BRAF: variants seen among roughly 807,000 people sequenced by gnomAD.
BRAF encodes the protein serine/threonine-protein kinase B-raf.
Under a neutral mutation model 104.6 loss-of-function variants are expected in BRAF, and 16 were observed. The observed-to-expected ratio is 0.15, with a 90% confidence interval of 0.10 to 0.23. The LOEUF (loss-of-function observed/expected upper bound fraction) is 0.23, where lower values mean the gene tolerates loss of function less well. BRAF is among the 10% of genes least tolerant of loss of function. The pLI is 1.00. For missense variants in BRAF, 541 were observed against 937.3 expected (o/e 0.58, Z 5.52); for synonymous variants, 310 against 341.6 (o/e 0.91, Z 1.02).
chr7:140,808,982 C>T lies in BRAF; in HGVS notation c.518G>A (p.Cys173Tyr), dbSNP rs1411975481. 5.6e-6 allele frequency: 9 copies of T among 1,612,098 alleles called. No homozygotes were observed. The highest frequency in any genetic ancestry group is 7.6e-6 in the Non-Finnish European group (9 of 1,178,748). Residue 173 changes from cysteine to tyrosine, a missense_variant, in exon 4 of 20, where the codon TGT becomes TAT. Physicochemically the swap from Cys to Tyr is radical, Grantham distance 194. Transcript: ENST00000644969. ...NKQRTVVPAR[C>Y]GVTVRDSLKK... ...TAGACTGTCTCGGACTGTAACTCCA[C>T]ACCTTGCAGGTACCTATGGTATCAT...
At chr7:140,790,030 G>A (rs1052558204) in intron 8 of BRAF, among the ~76,000 whole-genome samples, 8 of 152,004 alleles carry the variant, frequency 5.3e-5, no homozygotes, top group African/African-American at 1.9e-4. Context: ...GCACCCAGCC[G>A]ATAAGATTTT....
chr7:140,801,381 G>T (rs772046601), intron 6 of BRAF, 31 bp downstream of exon 6: 23 of 1,610,376 alleles, frequency 1.4e-5, no homozygotes, highest in Non-Finnish European at 2.0e-5. Context: ...TAAAATGGTA[G>T]GTAGAAAAGA....
At chr7:140,897,807 A>T (rs1228539901) in intron 1 of BRAF, among the ~76,000 whole-genome samples, 15 of 152,024 alleles carry the variant, frequency 9.9e-5, no homozygotes, top group Non-Finnish European at 1.0e-4. Flanking sequence ...GCCAGGAAAG[A>T]TTTCTTAAAA....
Position 140,785,845 on chromosome 7 carries a change from G to T in BRAF, c.1178-37C>A, listed in dbSNP as rs1327602016. On this transcript the variant is annotated intron_variant, in intron 9 of 19. Transcript: ENST00000644969. Reference sequence around the variant, plus strand: ...GAAAGAGAGGGGCAGGCAAACACAGGAAGACAGACACACAGAAGAAATGAA... The same window carrying T: ...GAAAGAGAGGGGCAGGCAAACACAGTAAGACAGACACACAGAAGAAATGAA... 3 of 398,734 alleles carry T rather than the reference G, an allele frequency of 7.5e-6. No individual in the cohort carries two copies. In the East Asian group the frequency reaches 1.1e-4, roughly 14 times the overall value. 24.7% of individuals were successfully genotyped at this position (398,734 alleles called of 1,614,324 possible). A position where few individuals can be genotyped will look rare whatever the true frequency, so the allele number is the denominator to read the frequency against.
intron 1 of BRAF, among the ~76,000 whole-genome samples, chr7:140,892,092 C>G (rs1814293312): frequency 6.6e-6 from 1 of 152,074 alleles, no homozygotes. Flanking sequence ...CCCATCTCTA[C>G]TAAAAATATT....
At chr7:140,912,865 A>C (rs1376520637) in intron 1 of BRAF, among the ~76,000 whole-genome samples, 1 of 152,164 alleles carries the variant, frequency 6.6e-6, no homozygotes, top group East Asian at 1.9e-4. Context: ...CTTTCAAAAC[A>C]TCCAAAATCT....
At chr7:140,868,025 T>C (rs963284014) in intron 1 of BRAF, among the ~76,000 whole-genome samples, 2 of 152,218 alleles carry the variant, frequency 1.3e-5, no homozygotes, top group African/African-American at 4.8e-5. Flanking sequence ...TATGAGAACA[T>C]GCCTGGACTA....
chr7:140,845,365 T>C (rs1808433755), intron 2 of BRAF, among the ~76,000 whole-genome samples: 1 of 152,074 alleles, frequency 6.6e-6, no homozygotes, highest in Non-Finnish European at 1.5e-5. Flanking sequence ...GAAAAATAGA[T>C]AATTTGGACT....
chr7:140,882,632 C>A (rs1410723967), intron 1 of BRAF, among the ~76,000 whole-genome samples: 1 of 150,156 alleles, frequency 6.7e-6, no homozygotes, highest in East Asian at 2.1e-4. Context: ...CCTGCCTCGG[C>A]CTCCCAAAGT....
chr7:140,738,966 GAA>G (rs56672171), intron 18 of BRAF, among the ~76,000 whole-genome samples: 15 of 118,922 alleles, frequency 1.3e-4, no homozygotes, highest in Admixed American at 3.5e-4. Flanking sequence ...TTCCAATATG[GAA>G]AAAAAAAAAA....
chr7:140,742,192 T>C (rs1172738155), intron 17 of BRAF, among the ~76,000 whole-genome samples: 1 of 151,750 alleles, frequency 6.6e-6, no homozygotes. Context: ...GGGGTTTTTT[T>C]TGTTTTTGTT....
chr7:140,766,416 G>A (rs1284077534), intron 14 of BRAF, among the ~76,000 whole-genome samples: 1 of 151,722 alleles, frequency 6.6e-6, no homozygotes, highest in Non-Finnish European at 1.5e-5. Flanking sequence ...TTGTGCACAT[G>A]TACCCTAAAA....
In BRAF at chr7:140,783,030, C is replaced by T. The variant is rs763771673; in HGVS notation, c.1425G>A (p.Arg475=). The change falls in exon 11 of 20, where the codon AGG becomes AGA. Residue 475 remains arginine, a synonymous_variant. Transcript: ENST00000644969. ...ERKSSSSSED[R]NRMKTLGRRD... Reference sequence around the variant, plus strand: ...TATCATATACTCTTACCATTCGATTCCTGTCTTCTGAGGATGAAGATGACT... The same window carrying T: ...TATCATATACTCTTACCATTCGATTTCTGTCTTCTGAGGATGAAGATGACT... 6.8e-6 allele frequency: 11 copies of T among 1,613,602 alleles called. No homozygotes were observed. Among genetic ancestry groups the T allele is most frequent in the South Asian group, 3.3e-5 (3 of 91,074 alleles).
At chr7:140,797,860 A>G (rs1329592224) in intron 7 of BRAF, among the ~76,000 whole-genome samples, 2 of 152,172 alleles carry the variant, frequency 1.3e-5, no homozygotes, top group African/African-American at 4.8e-5. Context: ...AAATAATAAC[A>G]TTTTGATTTG....
At chr7:140,755,226 A>G (rs1798108718) in intron 14 of BRAF, among the ~76,000 whole-genome samples, 1 of 152,210 alleles carries the variant, frequency 6.6e-6, no homozygotes, top group South Asian at 2.1e-4. Flanking sequence ...TACTGAATCA[A>G]CTACAATAAG....
chr7:140,781,757 C>CCTAA, intron 11 of BRAF, 64 bp from the exon 11 acceptor site: 1 of 1,315,334 alleles, frequency 7.6e-7, no homozygotes, highest in Admixed American at 1.7e-5. Context: ...TATGTTTCAC[C>CCTAA]CTAAGTACAT....
chr7:140,919,304 G>A (rs1476425359), intron 1 of BRAF, among the ~76,000 whole-genome samples: 7 of 152,170 alleles, frequency 4.6e-5, no homozygotes, highest in South Asian at 4.1e-4. Flanking sequence ...TGAAAACGAC[G>A]CTTTATCCGA....
intron 3 of BRAF, among the ~76,000 whole-genome samples, chr7:140,831,316 A>G (rs1414145327): frequency 6.6e-6 from 1 of 152,204 alleles, no homozygotes; most frequent in Non-Finnish European, 1.5e-5. Flanking sequence ...AGACGTGAGA[A>G]GAAGTCTGGT....
chr7:140,897,559 A>G (rs992472331), intron 1 of BRAF, among the ~76,000 whole-genome samples: 9 of 146,044 alleles, frequency 6.2e-5, no homozygotes, highest in Non-Finnish European at 1.2e-4. Flanking sequence ...GCAGTGGCAC[A>G]ATCTCAGCTC....
Sources: gnomAD v4.1 joint callset for allele counts (sites outside exome capture counted in the v4.1 genomes callset) on GRCh38, gnomAD v4.1.1 for gene constraint, MANE v1.5 for transcripts, NCBI Gene and HGNC (gene_info 2026-07-23, HGNC 2026-07-21) for gene names.